The following HMCN1 variants were observed in gnomAD, a reference collection of about 807,000 sequenced individuals.
HMCN1 encodes the protein hemicentin 1, also known as hemicentin-1.
In HMCN1, 321 loss-of-function variants were observed where a neutral mutation model predicts 625.9. The observed-to-expected ratio is 0.51, with a 90% CI of 0.47 to 0.56. The LOEUF (loss-of-function observed/expected upper bound fraction) is 0.56, where lower values mean the gene tolerates loss of function less well. Ranked by LOEUF, HMCN1 falls within the 20% of genes least tolerant of loss-of-function variation. The probability of loss-of-function intolerance (pLI) is 0.00; values close to 1 mark genes in which losing one functional copy is unlikely to be tolerated. For synonymous variants in HMCN1, 2,425 were observed against 2,417.6 expected (o/e 1.00, Z -0.09); for missense variants, 6,588 against 6,887.3 (o/e 0.96, Z 1.54).
At chr1:185,803,216 A>C (rs867217369) in intron 1 of HMCN1, among the ~76,000 whole-genome samples, 2 of 126,762 alleles carry the variant, frequency 1.6e-5, no homozygotes, top group East Asian at 2.0e-4. Context: ...AAAAAAAAAA[A>C]AAAAAAACAA....
chr1:186,148,651 A>C (rs1650479357), intron 93 of HMCN1, among the ~76,000 whole-genome samples: 1 of 151,984 alleles, frequency 6.6e-6, no homozygotes, highest in African/African-American at 2.4e-5. Flanking sequence ...ACAAGTGCCC[A>C]CCACCATGCC....
chr1:185,890,093 A>T (rs1177689878), intron 4 of HMCN1, among the ~76,000 whole-genome samples: 2 of 151,726 alleles, frequency 1.3e-5, no homozygotes, highest in African/African-American at 2.4e-5. Context: ...CTAGTTTATT[A>T]GCTTAGAGGT....
At chr1:186,029,896 C>A (rs996167887) in intron 36 of HMCN1, among the ~76,000 whole-genome samples, 2 of 151,968 alleles carry the variant, frequency 1.3e-5, no homozygotes, top group African/African-American at 4.8e-5. Flanking sequence ...TCTTTATGTG[C>A]ATCCCACAAG....
At chr1:186,079,573 G>C (rs1659044875) in intron 55 of HMCN1, among the ~76,000 whole-genome samples, 1 of 152,174 alleles carries the variant, frequency 6.6e-6, no homozygotes, top group African/African-American at 2.4e-5. Flanking sequence ...TGCAGGCCTG[G>C]ATGTCTGCCT....
chr1:185,899,674 A>C (rs1374296200), intron 4 of HMCN1, among the ~76,000 whole-genome samples: 1 of 150,786 alleles, frequency 6.6e-6, no homozygotes, highest in Admixed American at 6.6e-5. Flanking sequence ...TTGGAGATAC[A>C]GAACAGTTCT....
chr1:185,980,880 A>C, intron 16 of HMCN1, 98 bp from the exon 17 acceptor site: 2 of 800,488 alleles, frequency 2.5e-6, no homozygotes, highest in Non-Finnish European at 4.5e-6. Context: ...ACCAGAAGGC[A>C]GTGCACACTT....
intron 4 of HMCN1, among the ~76,000 whole-genome samples, chr1:185,893,284 G>A (rs927028662): frequency 6.6e-6 from 1 of 152,172 alleles, no homozygotes; most frequent in Non-Finnish European, 1.5e-5. Context: ...CGTTGCTCAG[G>A]CTGGGAGCTG....
chr1:186,016,905 A>C (rs907772067), intron 32 of HMCN1, 58 bp from the exon 33 acceptor site: 1 of 910,754 alleles, frequency 1.1e-6, no homozygotes, highest in African/African-American at 1.6e-5. Flanking sequence ...GCTTCATATG[A>C]TGGTGTGTTT....
chr1:186,011,622 A>T (rs1483580129), intron 30 of HMCN1, among the ~76,000 whole-genome samples: 1 of 152,208 alleles, frequency 6.6e-6, no homozygotes, highest in African/African-American at 2.4e-5. Flanking sequence ...TCAAGGTGTG[A>T]CACACTGCTA....
intron 25 of HMCN1, among the ~76,000 whole-genome samples, chr1:185,998,904 G>A (rs1652989719): frequency 6.6e-6 from 1 of 152,122 alleles, no homozygotes; most frequent in Non-Finnish European, 1.5e-5. Flanking sequence ...GAGATGTAAG[G>A]AGATGATTAC....
chr1:185,903,033 T>C (rs895289498), intron 4 of HMCN1, among the ~76,000 whole-genome samples: 2 of 151,668 alleles, frequency 1.3e-5, no homozygotes, highest in Non-Finnish European at 3.0e-5. Context: ...CAAAAGTTAA[T>C]TTTCTGTATT....
At chr1:185,757,955 A>G (rs1421756300) in intron 1 of HMCN1, among the ~76,000 whole-genome samples, 1 of 152,222 alleles carries the variant, frequency 6.6e-6, no homozygotes, top group East Asian at 1.9e-4. Context: ...GCTGGAGGGC[A>G]GAATTGAAGG....
chr1:186,062,665 T>C, intron 48 of HMCN1, 65 bp downstream of exon 48: 2 of 1,066,124 alleles, frequency 1.9e-6, no homozygotes, highest in Non-Finnish European at 2.9e-6. Context: ...GCCTCCACTA[T>C]ATATCTTAAA....
intron 18 of HMCN1, 52 bp downstream of exon 18, chr1:185,982,441 CTT>C (rs71663134): frequency 3.0e-3 from 3,618 of 1,211,234 alleles, no homozygotes; most frequent in Middle Eastern, 4.6e-3. Context: ...GTTTTCTTTT[CTT>C]TTTTTTTTTT....
rs1266093392 is a variant in HMCN1, at chr1:185,925,084, A to G, written c.1323A>G (p.Gly441=). The change falls in exon 9 of 107, where the codon GGA becomes GGG. Residue 441 remains glycine, a synonymous_variant. Coordinates refer to ENST00000271588, the MANE Select transcript of HMCN1 (RefSeq NM_031935.3). Reference sequence around the variant, plus strand: ...TTACGATGCCTGAGAAAACCCCAGGATACTATCTGCAGCCGGGCCAAATTC... The same window carrying G: ...TTACGATGCCTGAGAAAACCCCAGGGTACTATCTGCAGCCGGGCCAAATTC... ...PKVTMPEKTP[G]YYLQPGQIPC... is the part of the protein sequence containing the mutation. 3.1e-6 allele frequency: 5 copies of G among 1,613,768 alleles called. No individual in the cohort carries two copies. Among genetic ancestry groups the G allele is most frequent in the Non-Finnish European group, 4.2e-6 (5 of 1,179,888 alleles).
intron 4 of HMCN1, among the ~76,000 whole-genome samples, chr1:185,902,949 A>G (rs775439698): frequency 1.3e-5 from 2 of 151,694 alleles, no homozygotes; most frequent in African/African-American, 2.4e-5. Context: ...AGAAGAAGAA[A>G]AAAAAAACAT....
At chr1:185,847,793 GA>G in intron 2 of HMCN1, among the ~76,000 whole-genome samples, 1 of 150,876 alleles carries the variant, frequency 6.6e-6, no homozygotes, top group Non-Finnish European at 1.5e-5. Flanking sequence ...CTCTAAAAGA[GA>G]AAAAAAAATT....
In HMCN1 at chr1:185,834,922, T is replaced by C. The variant is rs191857342; in HGVS notation, c.269-11104T>C. 7.6e-4 allele frequency among the ~76,000 whole-genome samples: 115 copies of C among 152,240 alleles called. 1 individual carries two copies. Among genetic ancestry groups the C allele is most frequent in the South Asian group, 4.1e-4 (2 of 4,822 alleles). ...AGATGTGATAAGTAAATGGGGAAAA[T>C]AGCCTCTTATATAGAAAAAATATAA... On this transcript the variant is annotated intron_variant, in intron 1 of 106. Transcript: ENST00000271588.
Position 186,018,315 on chromosome 1 carries a change from T to G in HMCN1, c.5433T>G (p.Ala1811=). 1 of 1,612,944 alleles carries G rather than the reference T, an allele frequency of 6.2e-7. No homozygotes were observed. Among genetic ancestry groups the G allele is most frequent in the Non-Finnish European group, 8.5e-7 (1 of 1,179,144 alleles). Reference sequence around the variant, plus strand: ...ATCGGTGCATGGCAGCAAATACTGCTGGAGACCACAAGAAGGAATTTGAAG... The same window carrying G: ...ATCGGTGCATGGCAGCAAATACTGCGGGAGACCACAAGAAGGAATTTGAAG... ...GLYRCMAANT[A]GDHKKEFEVT... Residue 1811 remains alanine, a synonymous_variant, in exon 34 of 107, where the codon GCT becomes GCG. Transcript: ENST00000271588.
Sources: gnomAD v4.1 joint callset for allele counts (sites outside exome capture counted in the v4.1 genomes callset) on GRCh38, gnomAD v4.1.1 for gene constraint, MANE v1.5 for transcripts, NCBI Gene and HGNC (gene_info 2026-07-23, HGNC 2026-07-21) for gene names.